CSF2RA: variants seen among roughly 807,000 people sequenced by gnomAD.
The protein encoded by CSF2RA is colony stimulating factor 2 receptor subunit alpha, also known as granulocyte-macrophage colony-stimulating factor receptor subunit alpha.
A neutral mutation model predicts 51.6 loss-of-function variants in CSF2RA; 42 were observed. The observed-to-expected ratio is 0.81, with a 90% CI of 0.64 to 1.05. CSF2RA has a LOEUF of 1.05. CSF2RA is among the 50% of genes least tolerant of loss of function. CSF2RA has a pLI of 0.00. For missense variants in CSF2RA, 530 were observed against 501.1 expected, an observed-to-expected ratio of 1.06 and a Z score of -0.55; for synonymous variants, 222 against 193.0, an observed-to-expected ratio of 1.15 and a Z score of -1.24.
chrX:1,314,792 T>A (rs79206111), downstream of CSF2RA, among the ~76,000 whole-genome samples: 1 of 3,416 alleles, frequency 2.9e-4, no homozygotes, highest in Non-Finnish European at 5.7e-4. Flanking sequence ...ACCTGCCCAA[T>A]CCCACTGCAC....
chrX:1,293,479 A>G (rs1270895676), intron 7 of CSF2RA, among the ~76,000 whole-genome samples: 2 of 150,434 alleles, frequency 1.3e-5, no homozygotes, highest in African/African-American at 4.9e-5. Context: ...TCGGCCTCCC[A>G]AAGTGCTGGG....
chrX:1,313,755 G>A (rs1473616268), downstream of CSF2RA, among the ~76,000 whole-genome samples: 53 of 151,892 alleles, frequency 3.5e-4, no homozygotes, highest in Non-Finnish European at 6.3e-4. Context: ...TTGGGAGGCC[G>A]AGGTGGGCAG....
At chrX:1,311,405 A>G (rs1332687005), downstream of CSF2RA, among the ~76,000 whole-genome samples, 1 of 150,962 alleles carries the variant, frequency 6.6e-6, no homozygotes, top group African/African-American at 2.4e-5. Flanking sequence ...CAATTCCTGT[A>G]CAGTCTGTGG....
chrX:1,269,396 G>A (rs1430922916), intron 1 of CSF2RA, among the ~76,000 whole-genome samples: 3 of 151,990 alleles, frequency 2.0e-5, no homozygotes, highest in African/African-American at 7.2e-5. Context: ...TGAGGCGGGT[G>A]GATCACCTGA....
Position 1,288,547 on chromosome X carries a change from T to C in CSF2RA, c.248T>C (p.Phe83Ser), listed in dbSNP as rs745527531. The C allele has an allele frequency of 6.2e-7, 1 of 1,613,928 alleles. No individual in the cohort carries two copies. The highest frequency in any genetic ancestry group is 8.5e-7 in the Non-Finnish European group (1 of 1,179,864). The change falls in exon 5 of 13, where the codon TTT becomes TCT. Residue 83 changes from phenylalanine (F) to serine (S), a missense_variant. By Grantham distance (155) the Phe-to-Ser change is radical. Transcript: ENST00000381529. ...RLSNNECSCTFREICLHEGVT... is the reference protein window; with the variant it reads ...RLSNNECSCTSREICLHEGVT... Reference sequence around the variant, plus strand: ...AGTAACAACGAATGTTCGTGCACATTTCGTGAAATTTGTCTGCATGAAGGA... The same window carrying C: ...AGTAACAACGAATGTTCGTGCACATCTCGTGAAATTTGTCTGCATGAAGGA...
intron 7 of CSF2RA, 193 bp from the exon 8 acceptor site, chrX:1,294,135 A>C (rs774455437): frequency 1.4e-6 from 1 of 735,730 alleles, no homozygotes; most frequent in East Asian, 2.5e-5. Context: ...ACCCTGCCCC[A>C]TCTCCACCTG....
At chrX:1,270,569 T>C (rs2088246653) in intron 1 of CSF2RA, among the ~76,000 whole-genome samples, 1 of 152,004 alleles carries the variant, frequency 6.6e-6, no homozygotes, top group African/African-American at 2.4e-5. Context: ...CAAAACGGAT[T>C]CTCACACTAT....
intron 9 of CSF2RA, among the ~76,000 whole-genome samples, chrX:1,296,354 C>G (rs1415596422): frequency 7.4e-4 from 70 of 95,002 alleles, no homozygotes; most frequent in South Asian, 1.5e-3. Context: ...TGGCGGAACC[C>G]TACAGTCCCC....
At chrX:1,313,131 A>C (rs1344374821), downstream of CSF2RA, among the ~76,000 whole-genome samples, 1 of 152,124 alleles carries the variant, frequency 6.6e-6, no homozygotes, top group Non-Finnish European at 1.5e-5. Flanking sequence ...CCGGTGTCAA[A>C]GAGACAGCAG....
intron 1 of CSF2RA, among the ~76,000 whole-genome samples, chrX:1,269,091 T>G (rs1237151640): frequency 4.0e-5 from 6 of 151,856 alleles, no homozygotes; most frequent in Non-Finnish European, 8.8e-5. Flanking sequence ...TATATGCAGG[T>G]TTTTAAAGGC....
At chrX:1,272,739 C>T (rs1163581487) in intron 1 of CSF2RA, among the ~76,000 whole-genome samples, 2 of 151,572 alleles carry the variant, frequency 1.3e-5, no homozygotes, top group Non-Finnish European at 1.5e-5. Context: ...GATCCAACCT[C>T]CTCGGCCTCC....
chrX:1,299,072 G>GC (rs2092202040), intron 9 of CSF2RA, among the ~76,000 whole-genome samples: 1 of 152,148 alleles, frequency 6.6e-6, no homozygotes, highest in Admixed American at 6.6e-5. Flanking sequence ...ACGGGTGAGG[G>GC]CCCCCTCATA....
chrX:1,285,784 G>C lies in CSF2RA; in HGVS notation c.83G>C (p.Arg28Pro), dbSNP rs764272709. Residue 28 changes from arginine (R) to proline (P), a missense_variant, in exon 4 of 13, where the codon CGA (arginine) becomes CCA (proline). Coordinates refer to ENST00000381529, the MANE Select transcript of CSF2RA (RefSeq NM_172245.4). ...FLLIPEKSDL[R>P]TVAPASSLNV... ...CAGTGCCCGCTCCTTGCAGATCTGC[G>C]AACAGTGGCACCAGCCTCTAGTCTC... 14 of 1,607,346 alleles carry C rather than the reference G, an allele frequency of 8.7e-6. No homozygotes were observed. Among genetic ancestry groups the C allele is most frequent in the Admixed American group, 8.4e-5 (5 of 59,530 alleles).
In CSF2RA at chrX:1,286,601, A is replaced by G. The variant is rs2090701117; in HGVS notation, c.219+681A>G. On this transcript the variant is annotated intron_variant, in intron 4 of 12. Coordinates refer to ENST00000381529, the MANE Select transcript of CSF2RA (RefSeq NM_172245.4). ...AAAAAAAAAATAATAAATTCAATTA[A>G]ATAAAAGCGAGAGGGCCACAGACAC... 2.0e-5 allele frequency among the ~76,000 whole-genome samples: 3 copies of G among 152,160 alleles called. No homozygotes were observed. The South Asian group carries it at 6.2e-4, about 31-fold the overall frequency.
downstream of CSF2RA, among the ~76,000 whole-genome samples, chrX:1,314,583 C>T (rs374656441): frequency 2.4e-3 from 71 of 29,232 alleles, 4 homozygotes; most frequent in Admixed American, 4.8e-3. Flanking sequence ...ACCTGCCCAA[C>T]CCCACTGCAC....
chrX:1,314,249 C>T (rs1281053871), downstream of CSF2RA, among the ~76,000 whole-genome samples: 557 of 102,682 alleles, frequency 5.4e-3, 4 homozygotes, highest in African/African-American at 0.017. Context: ...AACCCCACTG[C>T]ACCTGCCCAA....
downstream of CSF2RA, among the ~76,000 whole-genome samples, chrX:1,313,402 C>G (rs774806038): frequency 1.1e-4 from 17 of 151,792 alleles, no homozygotes; most frequent in African/African-American, 4.1e-4. Context: ...CCACTGCACT[C>G]CAATCTGGGT....
chrX:1,300,412 A>G (rs1414276889), intron 9 of CSF2RA, 79 bp from the exon 10 acceptor site: 13 of 1,530,710 alleles, frequency 8.5e-6, no homozygotes. Flanking sequence ...AAAAACTTAA[A>G]AGACAAAAGA....
intron 10 of CSF2RA, among the ~76,000 whole-genome samples, chrX:1,302,020 A>T (rs28594822): frequency 6.7e-6 from 1 of 150,040 alleles, no homozygotes; most frequent in Non-Finnish European, 1.5e-5. Flanking sequence ...AGGTTCAAGC[A>T]ATTCTCCAGC....
Sources: allele counts gnomAD v4.1 joint callset (sites outside exome capture counted in the v4.1 genomes callset), GRCh38; gene constraint gnomAD v4.1.1; transcripts MANE v1.5; gene names NCBI Gene and HGNC (gene_info 2026-07-23, HGNC 2026-07-21).